The following DMD variants were observed in gnomAD, a reference collection of about 807,000 sequenced individuals.
DMD encodes the protein dystrophin, also known as mutant dystrophin.
DMD carries 63 observed loss-of-function variants against 330.1 expected under a neutral mutation model. The ratio of observed to expected loss-of-function variants is 0.19; its 90% CI spans 0.16 to 0.24. The LOEUF is 0.24. Among genes scored for constraint, DMD ranks in the 10% least tolerant of loss-of-function variants. The pLI is 1.00. For synonymous variants in DMD, 1,223 were observed against 959.8 expected, an observed-to-expected ratio of 1.27 and a Z score of -5.07; for missense variants, 3,344 against 2,684.1, an observed-to-expected ratio of 1.25 and a Z score of -5.43.
At chrX:31,737,130 A>G (rs1426317201) in intron 51 of DMD, among the ~76,000 whole-genome samples, 1 of 111,840 alleles carries the variant, frequency 8.9e-6, no homozygotes, top group Non-Finnish European at 1.9e-5. Context: ...AAGTTAAACA[A>G]TTTGTCTAGG....
chrX:32,187,022 T>C (rs779821820), intron 44 of DMD, among the ~76,000 whole-genome samples: 1 of 110,810 alleles, frequency 9.0e-6, no homozygotes, highest in South Asian at 3.8e-4. Context: ...AAAAGTTTTT[T>C]TTAAAATAAA....
intron 55 of DMD, among the ~76,000 whole-genome samples, chrX:31,569,640 A>ACGTGTATATACG (rs762438796): frequency 1.2e-5 from 1 of 83,511 alleles, no homozygotes; most frequent in African/African-American, 4.4e-5. Context: ...ACGTATATAT[A>ACGTGTATATACG]TGTATATACG....
intron 59 of DMD, among the ~76,000 whole-genome samples, chrX:31,444,920 C>G (rs1000356779): frequency 9.0e-6 from 1 of 111,491 alleles, no homozygotes; most frequent in African/African-American, 3.3e-5. Context: ...CTCCTTTCAG[C>G]ATGTGAGGGT....
chrX:32,729,341 T>C (rs992955051), intron 7 of DMD, among the ~76,000 whole-genome samples: 1 of 112,160 alleles, frequency 8.9e-6, no homozygotes, highest in Non-Finnish European at 1.9e-5. Flanking sequence ...AGTTTTATTA[T>C]AGGGAAAGCT....
chrX:32,398,761 G>T (rs1205141073), intron 30 of DMD, among the ~76,000 whole-genome samples: 1 of 111,448 alleles, frequency 9.0e-6, no homozygotes, highest in Non-Finnish European at 1.9e-5. Context: ...ATATGGAACT[G>T]CAGCAGACCC....
Position 31,204,042 on chromosome X carries a change from G to C in DMD, c.9726C>G (p.Ile3242Met). ...CTTCACCCAACTGTCTTGGAATTTG[G>C]ATAGAATCATGCAGAAGGAGGCCCA... ...RRLGLLLHDSIQIPRQLGEVA... is the reference protein window; with the variant it reads ...RRLGLLLHDSMQIPRQLGEVA... Residue 3242 changes from isoleucine to methionine, a missense_variant, in exon 67 of 79, where the codon ATC becomes ATG. Physicochemically the swap from Ile to Met is conservative, Grantham distance 10 (BLOSUM62 1). Coordinates refer to ENST00000357033, the MANE Select transcript of DMD (RefSeq NM_004006.3). 8.3e-7 allele frequency: 1 copy of C among 1,210,894 alleles called. No homozygotes were observed. The highest frequency in any genetic ancestry group is 1.7e-5 in the African/African-American group (1 of 57,869).
At chrX:33,162,789 C>T (rs1164499697) in intron 1 of DMD, among the ~76,000 whole-genome samples, 1 of 110,297 alleles carries the variant, frequency 9.1e-6, no homozygotes, top group Admixed American at 9.7e-5. Context: ...AATTTTTCCT[C>T]ACTTAAGATT....
intron 34 of DMD, among the ~76,000 whole-genome samples, chrX:32,376,472 G>T (rs184636418): frequency 7.8e-4 from 87 of 110,882 alleles, no homozygotes; most frequent in African/African-American, 2.6e-3. Flanking sequence ...TAGTTGTGAT[G>T]GGACCTTATT....
chrX:32,085,756 GTATAAATCTC>G (rs2096434480), intron 44 of DMD, among the ~76,000 whole-genome samples: 2 of 107,801 alleles, frequency 1.9e-5, no homozygotes, highest in African/African-American at 6.8e-5. Flanking sequence ...TCTAGAAAAA[GTATAAATCTC>G]TATATTTATC....
chrX:32,492,395 T>C (rs1425313847), intron 19 of DMD, among the ~76,000 whole-genome samples: 1 of 112,560 alleles, frequency 8.9e-6, no homozygotes, highest in Non-Finnish European at 1.9e-5. Flanking sequence ...ATCTTTCTAA[T>C]GTGAAACATT....
intron 54 of DMD, among the ~76,000 whole-genome samples, chrX:31,632,994 G>T (rs1413881430): frequency 9.0e-6 from 1 of 111,554 alleles, no homozygotes; most frequent in Non-Finnish European, 1.9e-5. Flanking sequence ...CAACTCTGTG[G>T]TTTTATCTGT....
At position 32,536,763 on chromosome X, in the gene DMD, T is replaced by TA. The variant is rs3842481; in HGVS notation, c.2168+8395dup. Among the ~76,000 whole-genome samples, 6 of 111,613 alleles carry TA rather than the reference T, an allele frequency of 5.4e-5. No individual in the cohort carries two copies. In the East Asian group the frequency reaches 1.7e-3, roughly 31 times the overall value. On this transcript the variant is annotated intron_variant, in intron 17 of 78. Transcript: ENST00000357033. Reference sequence around the variant, plus strand: ...TTTGGAGTAGCACTGGTATTTTTTTTAAAAAAGGAGCAGAGGAGAAGGGAG... The same window carrying TA: ...TTTGGAGTAGCACTGGTATTTTTTTTAAAAAAAGGAGCAGAGGAGAAGGGAG...
At chrX:32,010,577 A>G (rs1226650949) in intron 44 of DMD, among the ~76,000 whole-genome samples, 1 of 111,721 alleles carries the variant, frequency 9.0e-6, no homozygotes, top group Non-Finnish European at 1.9e-5. Context: ...GCAGTCACCA[A>G]AATAATCCAG....
chrX:31,201,565 A>G (rs926391048), intron 67 of DMD, among the ~76,000 whole-genome samples: 3 of 111,995 alleles, frequency 2.7e-5, no homozygotes, highest in Non-Finnish European at 5.6e-5. Context: ...GTTATCCAGC[A>G]AAAGGATGTA....
intron 1 of DMD, among the ~76,000 whole-genome samples, chrX:33,089,311 G>C (rs1298330146): frequency 9.0e-6 from 1 of 110,767 alleles, no homozygotes; most frequent in African/African-American, 3.3e-5. Context: ...TGATCCACCA[G>C]CCTCGGCCTC....
chrX:32,448,408 G>T, intron 27 of DMD, 48 bp downstream of exon 27: 1 of 1,179,432 alleles, frequency 8.5e-7, no homozygotes, highest in South Asian at 1.8e-5. Context: ...CCTCACATAT[G>T]ACCATGTATT....
chrX:32,900,491 A>G (rs1242676598), intron 2 of DMD, among the ~76,000 whole-genome samples: 1 of 111,466 alleles, frequency 9.0e-6, no homozygotes, highest in Non-Finnish European at 1.9e-5. Context: ...CTATAGGTGC[A>G]TGCCACTATG....
At chrX:32,621,674 T>G (rs920616430) in intron 11 of DMD, among the ~76,000 whole-genome samples, 24 of 110,223 alleles carry the variant, frequency 2.2e-4, no homozygotes, top group African/African-American at 7.6e-4. Context: ...GTTGGGGATT[T>G]TTGGGGTAGG....
At chrX:32,368,930 T>C (rs983880771) in intron 34 of DMD, among the ~76,000 whole-genome samples, 3 of 111,221 alleles carry the variant, frequency 2.7e-5, no homozygotes, top group African/African-American at 9.8e-5. Flanking sequence ...CTAGGATCGA[T>C]TTTAGGGCTG....
Sources: allele counts gnomAD v4.1 joint callset (sites outside exome capture counted in the v4.1 genomes callset), GRCh38; gene constraint gnomAD v4.1.1; transcripts MANE v1.5; gene names NCBI Gene and HGNC (gene_info 2026-07-23, HGNC 2026-07-21).